NUAK1: variants seen among roughly 807,000 people sequenced by gnomAD.
The protein encoded by NUAK1 is NUAK family kinase 1.
Under a neutral mutation model 56.9 loss-of-function variants are expected in NUAK1, and 26 were observed. The ratio of observed to expected loss-of-function variants is 0.46; its 90% CI spans 0.33 to 0.63. NUAK1 has a LOEUF of 0.63. NUAK1 is among the 30% of genes least tolerant of loss of function. The pLI is 0.02. For missense variants in NUAK1, 727 were observed against 876.1 expected, an observed-to-expected ratio of 0.83 and a Z score of 2.15; for synonymous variants, 337 against 336.0, an observed-to-expected ratio of 1.00 and a Z score of -0.03.
chr12:106,106,525 C>A lies in NUAK1; in HGVS notation c.241G>T (p.Val81Phe), dbSNP rs772812830. Residue 81 changes from valine (V) to phenylalanine (F), a missense_variant and splice_region_variant, in exon 2 of 7, where the codon GTT (valine) becomes TTT (phenylalanine). Coordinates refer to ENST00000261402, the MANE Select transcript of NUAK1 (RefSeq NM_014840.3). ...RATERFSGRV[V>F]AIKSIRKDKI... ...TCCTTACGAATGGATTTTATAGCAACCTATAAAGTCAGGAAATGAAATGTT... is the reference window on the plus strand; with the variant it reads ...TCCTTACGAATGGATTTTATAGCAAACTATAAAGTCAGGAAATGAAATGTT... The A allele has an allele frequency of 2.5e-6, 4 of 1,610,192 alleles. No individual in the cohort carries two copies. Among genetic ancestry groups the A allele is most frequent in the Non-Finnish European group, 3.4e-6 (4 of 1,178,638 alleles).
At chr12:106,130,884 T>C (rs1001619181) in intron 1 of NUAK1, among the ~76,000 whole-genome samples, 1 of 152,158 alleles carries the variant, frequency 6.6e-6, no homozygotes, top group Non-Finnish European at 1.5e-5. Flanking sequence ...GTGCTTCCTC[T>C]CAACAATCCA....
At chr12:106,122,987 G>A (rs1347847691) in intron 1 of NUAK1, among the ~76,000 whole-genome samples, 4 of 152,162 alleles carry the variant, frequency 2.6e-5, no homozygotes, top group Admixed American at 1.3e-4. Context: ...GTCCATGCTC[G>A]ACAAATATCA....
chr12:106,109,067 CCT>C (rs1347283248), intron 1 of NUAK1, among the ~76,000 whole-genome samples: 2 of 152,158 alleles, frequency 1.3e-5, no homozygotes, highest in Non-Finnish European at 2.9e-5. Flanking sequence ...ATTCTGCTCC[CCT>C]GTTTCAAAGG....
chr12:106,122,188 G>T (rs548158862), intron 1 of NUAK1, among the ~76,000 whole-genome samples: 1 of 152,274 alleles, frequency 6.6e-6, no homozygotes, highest in East Asian at 1.9e-4. Context: ...ACATCCACAC[G>T]TGGTAATCCC....
intron 4 of NUAK1, among the ~76,000 whole-genome samples, chr12:106,076,378 G>A (rs926378744): frequency 6.6e-6 from 1 of 152,186 alleles, no homozygotes; most frequent in East Asian, 1.9e-4. Context: ...CCAGCAAGGA[G>A]GCGACTGGGC....
rs1490554216 is a variant in NUAK1 at position 106,065,503 on chromosome 12, C to T, written c.*1299G>A. On this transcript the variant is annotated 3_prime_UTR_variant, in exon 7 of 7. Coordinates refer to ENST00000261402, the MANE Select transcript of NUAK1 (RefSeq NM_014840.3). ...TCCCCCAAAGCCCAGGAGTTCATGG[C>T]AAAGTTTAAAACCATGACATAGAAT... 3 of 151,604 alleles carry T rather than the reference C, an allele frequency of 2.0e-5. No individual in the cohort carries two copies. The highest frequency in any genetic ancestry group is 4.9e-5 in the African/African-American group (2 of 40,964). The allele number at this position is 151,604 out of a possible 1,614,324, so 9.4% of individuals were successfully genotyped here. A position where few individuals can be genotyped will look rare whatever the true frequency, so the allele number is the denominator to read the frequency against.
At chr12:106,096,645 G>A (rs533247848) in intron 2 of NUAK1, among the ~76,000 whole-genome samples, 8 of 152,238 alleles carry the variant, frequency 5.3e-5, no homozygotes, top group African/African-American at 1.4e-4. Context: ...ACTGTTTCAC[G>A]GGGCTCTGAG....
At chr12:106,080,106 T>C (rs2032500805) in intron 4 of NUAK1, among the ~76,000 whole-genome samples, 1 of 152,222 alleles carries the variant, frequency 6.6e-6, no homozygotes, top group Non-Finnish European at 1.5e-5. Context: ...ATTCATATCA[T>C]CAAAGCCCAG....
At chr12:106,109,571 A>G (rs965244716) in intron 1 of NUAK1, among the ~76,000 whole-genome samples, 40 of 152,048 alleles carry the variant, frequency 2.6e-4, no homozygotes, top group East Asian at 1.2e-3. Context: ...AAAAAAAAAA[A>G]AAAGAAAATC....
chr12:106,135,170 T>A (rs974020435), intron 1 of NUAK1, among the ~76,000 whole-genome samples: 1 of 152,240 alleles, frequency 6.6e-6, no homozygotes, highest in Non-Finnish European at 1.5e-5. Flanking sequence ...GTCACATAGC[T>A]TGCCAAAAGA....
intron 2 of NUAK1, among the ~76,000 whole-genome samples, chr12:106,101,212 C>T (rs997041429): frequency 5.3e-5 from 8 of 152,144 alleles, no homozygotes; most frequent in African/African-American, 1.9e-4. Flanking sequence ...CTGAGGTGGC[C>T]TGCAGAGCCA....
intron 4 of NUAK1, among the ~76,000 whole-genome samples, chr12:106,077,141 G>T (rs1464080745): frequency 2.0e-5 from 3 of 152,164 alleles, no homozygotes; most frequent in Non-Finnish European, 4.4e-5. Flanking sequence ...AATTAGTGAT[G>T]GTCTAACAGT....
chr12:106,096,129 A>C (rs1355923205), intron 2 of NUAK1, among the ~76,000 whole-genome samples: 2 of 152,186 alleles, frequency 1.3e-5, no homozygotes, highest in African/African-American at 4.8e-5. Flanking sequence ...TCATTCCGAA[A>C]GACCCCATAG....
chr12:106,131,495 C>T (rs2136485269), intron 1 of NUAK1, among the ~76,000 whole-genome samples: 1 of 152,272 alleles, frequency 6.6e-6, no homozygotes, highest in Admixed American at 6.5e-5. Context: ...CAAGGTTCAT[C>T]CATGCTGTCA....
intron 1 of NUAK1, among the ~76,000 whole-genome samples, chr12:106,136,442 G>C (rs2033130702): frequency 6.6e-6 from 1 of 152,188 alleles, no homozygotes; most frequent in Non-Finnish European, 1.5e-5. Context: ...CCCCAAAAGA[G>C]AAAGGCGGAC....
intron 1 of NUAK1, among the ~76,000 whole-genome samples, chr12:106,136,640 A>G (rs2033132258): frequency 3.3e-5 from 5 of 152,150 alleles, no homozygotes; most frequent in Admixed American, 2.6e-4. Context: ...CAGACCCTAG[A>G]CACACCCTTA....
chr12:106,122,150 G>A (rs1052285286), intron 1 of NUAK1, among the ~76,000 whole-genome samples: 14 of 152,058 alleles, frequency 9.2e-5, no homozygotes, highest in African/African-American at 3.4e-4. Context: ...GGGCAGGGGT[G>A]GATATTTGTA....
chr12:106,132,389 C>A (rs111606659), intron 1 of NUAK1, among the ~76,000 whole-genome samples: 2 of 152,334 alleles, frequency 1.3e-5, no homozygotes, highest in Admixed American at 6.5e-5. Flanking sequence ...GTGCTTGGCA[C>A]CATGTGAGGC....
At chr12:106,127,966 T>C (rs915717642) in intron 1 of NUAK1, among the ~76,000 whole-genome samples, 1 of 152,068 alleles carries the variant, frequency 6.6e-6, no homozygotes, top group Non-Finnish European at 1.5e-5. Context: ...GACCATTCAC[T>C]GTGGGCGACA....
Sources: gnomAD v4.1 joint callset for allele counts (sites outside exome capture counted in the v4.1 genomes callset) on GRCh38, gnomAD v4.1.1 for gene constraint, MANE v1.5 for transcripts, NCBI Gene and HGNC (gene_info 2026-07-23, HGNC 2026-07-21) for gene names.